The following KCNIP4 variants were observed in gnomAD, a reference collection of about 807,000 sequenced individuals.
KCNIP4 encodes Kv channel-interacting protein 4.
Under a neutral mutation model 34.0 loss-of-function variants are expected in KCNIP4, and 12 were observed. The ratio of observed to expected loss-of-function variants is 0.35; its 90% confidence interval spans 0.23 to 0.57. The LOEUF is 0.57. Among genes scored for constraint, KCNIP4 ranks in the 20% least tolerant of loss-of-function variants. The probability of loss-of-function intolerance (pLI) is 0.83; values close to 1 mark genes in which losing one functional copy is unlikely to be tolerated. For synonymous variants in KCNIP4, 124 were observed against 102.2 expected (o/e 1.21, Z -1.29); for missense variants, 238 against 311.7 (o/e 0.76, Z 1.78).
chr4:21,234,342 CATACATT>C (rs1759148576), intron 1 of KCNIP4, among the ~76,000 whole-genome samples: 2 of 89,128 alleles, frequency 2.2e-5, no homozygotes, highest in African/African-American at 8.4e-5. Context: ...TTATATATAA[CATACATT>C]ATATATAACA....
At chr4:21,924,837 TA>T (rs1729144326) in intron 1 of KCNIP4, among the ~76,000 whole-genome samples, 1 of 152,122 alleles carries the variant, frequency 6.6e-6, no homozygotes, top group Admixed American at 6.5e-5. Context: ...CACTCTTCTA[TA>T]ATCTACCACT....
At chr4:21,446,944 G>T (rs565257333) in intron 1 of KCNIP4, among the ~76,000 whole-genome samples, 2 of 151,222 alleles carry the variant, frequency 1.3e-5, no homozygotes, top group Middle Eastern at 6.8e-3. Context: ...AGGACATCTC[G>T]ATTATTCCAG....
intron 1 of KCNIP4, among the ~76,000 whole-genome samples, chr4:21,002,850 C>T (rs1312913901): frequency 6.6e-6 from 1 of 152,190 alleles, no homozygotes; most frequent in African/African-American, 2.4e-5. Context: ...CCTTTAACCT[C>T]TCTGGCTTCT....
intron 1 of KCNIP4, among the ~76,000 whole-genome samples, chr4:21,127,629 C>T (rs1169982004): frequency 6.6e-6 from 1 of 152,150 alleles, no homozygotes; most frequent in African/African-American, 2.4e-5. Context: ...AACTTAGAAC[C>T]TAGCCCATAA....
chr4:21,659,003 G>A (rs2108986120), intron 1 of KCNIP4, among the ~76,000 whole-genome samples: 1 of 152,312 alleles, frequency 6.6e-6, no homozygotes, highest in South Asian at 2.1e-4. Flanking sequence ...CCTGTTCAAA[G>A]TCTCTCTCAA....
intron 3 of KCNIP4, among the ~76,000 whole-genome samples, chr4:20,779,171 G>A (rs1013870410): frequency 6.6e-6 from 1 of 152,166 alleles, no homozygotes. Flanking sequence ...CCTTCTAGGA[G>A]TTAATTAAGC....
At chr4:21,665,388 G>T (rs1577792854) in intron 1 of KCNIP4, among the ~76,000 whole-genome samples, 1 of 152,008 alleles carries the variant, frequency 6.6e-6, no homozygotes, top group Non-Finnish European at 1.5e-5. Context: ...AAATGCATAG[G>T]AATGGAATAT....
chr4:21,812,963 G>A lies in KCNIP4; in HGVS notation c.61+135608C>T, dbSNP rs565060192. Among the ~76,000 whole-genome samples the A allele has an allele frequency of 4.6e-5, 7 of 152,224 alleles. No homozygotes were observed. In the East Asian group the frequency reaches 5.8e-4, roughly 13 times the overall value. On this transcript the variant is annotated intron_variant, in intron 1 of 8. Transcript: ENST00000382152. ...TGAGATACAGGATTCCCGTACCTACGTCCAGTCTTGTGTGTCATACTCAGG... is the reference window on the plus strand; with the variant it reads ...TGAGATACAGGATTCCCGTACCTACATCCAGTCTTGTGTGTCATACTCAGG...
intron 1 of KCNIP4, among the ~76,000 whole-genome samples, chr4:21,749,718 G>A (rs1291838260): frequency 2.0e-5 from 3 of 152,034 alleles, no homozygotes; most frequent in South Asian, 2.1e-4. Context: ...TCACACTGAG[G>A]GTCAGGGCCC....
intron 1 of KCNIP4, among the ~76,000 whole-genome samples, chr4:21,886,548 C>T (rs1251059941): frequency 6.6e-6 from 1 of 152,120 alleles, no homozygotes; most frequent in Non-Finnish European, 1.5e-5. Flanking sequence ...GAGCTATAAA[C>T]AGTTCCCACA....
intron 1 of KCNIP4, among the ~76,000 whole-genome samples, chr4:21,158,814 T>G (rs530636928): frequency 6.6e-6 from 1 of 152,086 alleles, no homozygotes; most frequent in Non-Finnish European, 1.5e-5. Flanking sequence ...AAATACAGTA[T>G]TGAGCATGAA....
intron 1 of KCNIP4, among the ~76,000 whole-genome samples, chr4:21,803,798 A>G (rs1405380959): frequency 6.6e-6 from 1 of 152,180 alleles, no homozygotes; most frequent in Non-Finnish European, 1.5e-5. Context: ...GCAATTTTCT[A>G]CTAATTAGCA....
intron 3 of KCNIP4, among the ~76,000 whole-genome samples, chr4:20,770,403 A>C (rs1348418684): frequency 2.0e-5 from 3 of 152,024 alleles, no homozygotes; most frequent in Non-Finnish European, 4.4e-5. Flanking sequence ...AGCAGAAATA[A>C]ATTTTTTTAG....
At chr4:21,360,640 T>C (rs1719123007) in intron 1 of KCNIP4, among the ~76,000 whole-genome samples, 1 of 152,102 alleles carries the variant, frequency 6.6e-6, no homozygotes, top group Non-Finnish European at 1.5e-5. Flanking sequence ...TACCTTATCA[T>C]ATTCTTCAAA....
At chr4:21,852,925 G>T (rs1314284772) in intron 1 of KCNIP4, 3 of 152,124 alleles carry the variant, frequency 2.0e-5, no homozygotes, top group African/African-American at 7.2e-5. Flanking sequence ...AATGAATCAG[G>T]TCATTGTTAC....
intron 1 of KCNIP4, among the ~76,000 whole-genome samples, chr4:21,137,871 C>CTTTTTTT (rs144440285): frequency 0.098 from 11,292 of 114,980 alleles, 1,397 homozygotes; most frequent in African/African-American, 0.14. Flanking sequence ...CTTACACAGG[C>CTTTTTTT]TTTTTTGTTT....
At chr4:21,275,347 G>A (rs1376682775) in intron 1 of KCNIP4, among the ~76,000 whole-genome samples, 3 of 152,120 alleles carry the variant, frequency 2.0e-5, no homozygotes, top group Admixed American at 6.5e-5. Flanking sequence ...ACACTGTTAT[G>A]AGCCCATGCT....
At chr4:20,987,949 C>T (rs1033485059) in intron 1 of KCNIP4, among the ~76,000 whole-genome samples, 6 of 137,732 alleles carry the variant, frequency 4.4e-5, no homozygotes, top group African/African-American at 1.4e-4. Context: ...TGCAGTGAGC[C>T]GAGATCGCAC....
chr4:21,077,970 A>C (rs1745651573), intron 1 of KCNIP4, among the ~76,000 whole-genome samples: 1 of 152,070 alleles, frequency 6.6e-6, no homozygotes, highest in Non-Finnish European at 1.5e-5. Flanking sequence ...GATTTTTAAT[A>C]TGAGTTTTAG....
Sources: allele counts gnomAD v4.1 joint callset (sites outside exome capture counted in the v4.1 genomes callset), GRCh38; gene constraint gnomAD v4.1.1; transcripts MANE v1.5; gene names NCBI Gene and HGNC (gene_info 2026-07-23, HGNC 2026-07-21).